UBE3D: variants seen among roughly 807,000 people sequenced by gnomAD.
The protein encoded by UBE3D is E3 ubiquitin-protein ligase E3D.
In UBE3D, 48 loss-of-function variants were observed where a neutral mutation model predicts 49.6. The ratio of observed to expected loss-of-function variants is 0.97; its 90% CI spans 0.77 to 1.23. The LOEUF (loss-of-function observed/expected upper bound fraction) is 1.23. Among genes scored for constraint, UBE3D ranks in the 50% most tolerant of loss-of-function variants. The pLI is 0.00. For synonymous variants in UBE3D, 189 were observed against 174.2 expected, an observed-to-expected ratio of 1.08 and a Z score of -0.67; for missense variants, 452 against 468.4, an observed-to-expected ratio of 0.96 and a Z score of 0.32.
intron 8 of UBE3D, among the ~76,000 whole-genome samples, chr6:82,979,628 T>G (rs1024110415): frequency 3.9e-5 from 6 of 152,208 alleles, no homozygotes; most frequent in Non-Finnish European, 7.4e-5. Context: ...TATAAATTTA[T>G]GGGGTAAGAT....
chr6:82,934,598 A>G (rs1012601478), intron 9 of UBE3D, among the ~76,000 whole-genome samples: 6 of 152,182 alleles, frequency 3.9e-5, no homozygotes, highest in Admixed American at 2.6e-4. Context: ...AGGAGAAAAC[A>G]GTTGTTAAAC....
chr6:82,922,411 C>T (rs980874805), intron 9 of UBE3D, among the ~76,000 whole-genome samples: 3 of 152,110 alleles, frequency 2.0e-5, no homozygotes, highest in African/African-American at 7.2e-5. Flanking sequence ...CTATTGAAAC[C>T]TTGATATTAA....
intron 1 of UBE3D, among the ~76,000 whole-genome samples, chr6:83,059,761 C>T (rs1784048119): frequency 6.6e-6 from 1 of 151,798 alleles, no homozygotes; most frequent in African/African-American, 2.4e-5. Context: ...TCCATAGGGC[C>T]AAGCAAGGGA....
At chr6:82,978,948 A>T (rs1487640936) in intron 8 of UBE3D, among the ~76,000 whole-genome samples, 1 of 152,184 alleles carries the variant, frequency 6.6e-6, no homozygotes, top group African/African-American at 2.4e-5. Context: ...TCTATGCAGG[A>T]AAGTTCCAAC....
chr6:82,997,969 T>A (rs1010709387), intron 8 of UBE3D, among the ~76,000 whole-genome samples: 4 of 152,152 alleles, frequency 2.6e-5, no homozygotes, highest in African/African-American at 9.7e-5. Flanking sequence ...ATGATTGATT[T>A]TTTTTTAAGT....
intron 8 of UBE3D, among the ~76,000 whole-genome samples, chr6:82,993,582 T>A (rs1048058880): frequency 2.0e-5 from 3 of 152,202 alleles, no homozygotes; most frequent in Admixed American, 1.3e-4. Flanking sequence ...GGATTCAACA[T>A]AGGAATCAGT....
At chr6:83,033,675 T>G (rs530413266) in intron 5 of UBE3D, among the ~76,000 whole-genome samples, 16 of 152,284 alleles carry the variant, frequency 1.1e-4, no homozygotes, top group African/African-American at 3.6e-4. Flanking sequence ...GATTGTAAGT[T>G]TCCTAAGGCC....
intron 8 of UBE3D, among the ~76,000 whole-genome samples, chr6:82,966,912 T>C (rs1246539449): frequency 6.6e-6 from 1 of 152,216 alleles, no homozygotes; most frequent in Non-Finnish European, 1.5e-5. Flanking sequence ...GTTGCTATTG[T>C]AATTAATTCT....
chr6:83,053,115 A>G (rs756832310), intron 3 of UBE3D, among the ~76,000 whole-genome samples: 3 of 149,796 alleles, frequency 2.0e-5, no homozygotes, highest in Admixed American at 1.3e-4. Context: ...TTCTTAAGAC[A>G]TGAGATTTTT....
At chr6:82,949,255 TC>T (rs1358881215) in intron 9 of UBE3D, among the ~76,000 whole-genome samples, 1 of 151,956 alleles carries the variant, frequency 6.6e-6, no homozygotes, top group Non-Finnish European at 1.5e-5. Context: ...TTAAAAATAA[TC>T]CCATTTACAA....
intron 5 of UBE3D, among the ~76,000 whole-genome samples, chr6:83,029,220 C>G (rs746060550): frequency 6.6e-6 from 1 of 152,086 alleles, no homozygotes; most frequent in Non-Finnish European, 1.5e-5. Context: ...AATTTCTCTT[C>G]ATTATTTGAG....
intron 8 of UBE3D, among the ~76,000 whole-genome samples, chr6:83,006,633 GA>G (rs1290668435): frequency 6.6e-6 from 1 of 152,038 alleles, no homozygotes; most frequent in Non-Finnish European, 1.5e-5. Flanking sequence ...TTAGCCTCCA[GA>G]AAAAAATAAA....
chr6:83,020,914 C>G (rs1781047293), intron 7 of UBE3D, among the ~76,000 whole-genome samples: 1 of 152,164 alleles, frequency 6.6e-6, no homozygotes, highest in Non-Finnish European at 1.5e-5. Context: ...TACCTGTTTA[C>G]TGGTTGAATA....
chr6:82,902,596 AT>A (rs1357123211), intron 9 of UBE3D, among the ~76,000 whole-genome samples: 4 of 152,202 alleles, frequency 2.6e-5, no homozygotes, highest in African/African-American at 9.7e-5. Context: ...CAGAGCAGTG[AT>A]TGCAGGGGTT....
intron 3 of UBE3D, among the ~76,000 whole-genome samples, chr6:83,047,050 C>A (rs2127826486): frequency 6.6e-6 from 1 of 152,290 alleles, no homozygotes. Context: ...ATATCATGAG[C>A]TCTTAAATAT....
intron 9 of UBE3D, among the ~76,000 whole-genome samples, chr6:82,943,627 C>T (rs1775182014): frequency 6.6e-6 from 1 of 152,016 alleles, no homozygotes; most frequent in Admixed American, 6.6e-5. Flanking sequence ...CAGAGCGAGA[C>T]CCTGTCTCAA....
chr6:83,051,718 CA>C (rs1378910028), intron 3 of UBE3D, among the ~76,000 whole-genome samples: 1 of 152,216 alleles, frequency 6.6e-6, no homozygotes, highest in Non-Finnish European at 1.5e-5. Flanking sequence ...TCACCGAGTA[CA>C]TGCAATAACT....
chr6:82,981,075 C>T (rs899746299), intron 8 of UBE3D, among the ~76,000 whole-genome samples: 4 of 151,956 alleles, frequency 2.6e-5, no homozygotes, highest in Non-Finnish European at 5.9e-5. Context: ...TTGCATAGTA[C>T]CTTATATGTT....
intron 9 of UBE3D, among the ~76,000 whole-genome samples, chr6:82,942,897 G>T (rs1775117816): frequency 1.3e-5 from 2 of 152,182 alleles, no homozygotes; most frequent in African/African-American, 4.8e-5. Flanking sequence ...TGTGAGAAGA[G>T]GGCCACCATC....
Sources: gnomAD v4.1 joint callset for allele counts (sites outside exome capture counted in the v4.1 genomes callset) on GRCh38, gnomAD v4.1.1 for gene constraint, MANE v1.5 for transcripts, NCBI Gene and HGNC (gene_info 2026-07-23, HGNC 2026-07-21) for gene names.